Variants in FLT3LG observed in about 807,000 individuals in gnomAD.
The protein encoded by FLT3LG is fms related receptor tyrosine kinase 3 ligand, also known as fms-related tyrosine kinase 3 ligand.
FLT3LG carries 8 observed loss-of-function variants against 30.9 expected under a neutral mutation model. That is an observed-to-expected ratio of 0.26 (90% CI 0.15 to 0.47). The LOEUF is 0.47. Ranked by LOEUF, FLT3LG falls within the 20% of genes least tolerant of loss-of-function variation. The pLI is 0.99. For missense variants in FLT3LG, 278 were observed against 306.2 expected, an observed-to-expected ratio of 0.91 and a Z score of 0.69; for synonymous variants, 123 against 135.9, an observed-to-expected ratio of 0.91 and a Z score of 0.66.
At position 49,475,749 on chromosome 19, in the gene FLT3LG, C is replaced by T. The variant is rs781738148; in HGVS notation, c.92C>T (p.Ser31Phe). Residue 31 changes from serine (S) to phenylalanine (F), a missense_variant, in exon 3 of 9, where the codon TCC becomes TTC. Coordinates refer to ENST00000597551, the MANE Select transcript of FLT3LG (RefSeq NM_001459.4). ...GGACTCAGTGGGACCCAGGACTGCT[C>T]CTTCCAACACAGCCCCATCTCCTCC... Reference protein sequence around the residue: ...SSGLSGTQDCSFQHSPISSDF... With the variant: ...SSGLSGTQDCFFQHSPISSDF... 2.5e-6 allele frequency: 4 copies of T among 1,612,444 alleles called. No homozygotes were observed. In the East Asian group the frequency reaches 8.9e-5, roughly 36 times the overall value.
chr19:49,480,334 C>A lies in FLT3LG; in HGVS notation c.518C>A (p.Pro173His), dbSNP rs774118183. Residue 173 changes from proline to histidine, a missense_variant, in exon 7 of 9, where the codon CCC (proline) becomes CAC (histidine). Physicochemically the swap from Pro to His is moderately conservative, Grantham distance 77. Transcript: ENST00000597551. ...STLPPPWSPR[P>H]LEATAPTAPQ... is the part of the protein sequence containing the mutation. ...CTGCCACCCCCATGGAGTCCCCGGC[C>A]CCTGGAGGCCACAGCCCCGACAGCC... The A allele has an allele frequency of 6.2e-7, 1 of 1,609,400 alleles. No homozygotes were observed. Among genetic ancestry groups the A allele is most frequent in the Admixed American group, 1.7e-5 (1 of 59,912 alleles).
chr19:49,481,271 CA>C (rs1388387351), intron 8 of FLT3LG: 3 of 153,074 alleles, frequency 2.0e-5, no homozygotes, highest in East Asian at 1.9e-4. Flanking sequence ...ATGGGGTGGA[CA>C]GGGGGGAACC....
intron 8 of FLT3LG, among the ~76,000 whole-genome samples, chr19:49,484,614 A>G (rs2079737877): frequency 6.6e-6 from 1 of 151,954 alleles, no homozygotes; most frequent in Non-Finnish European, 1.5e-5. Flanking sequence ...CTACTGCCTC[A>G]GCCTCCTGAG....
chr19:49,475,631 C>T (rs867713108), intron 2 of FLT3LG, 60 bp from the exon 3 acceptor site: 4 of 1,562,956 alleles, frequency 2.6e-6, no homozygotes, highest in African/African-American at 2.7e-5. Flanking sequence ...GTGGGAAGCC[C>T]GGAGGAGGGG....
intron 6 of FLT3LG, 147 bp downstream of exon 6, chr19:49,479,194 A>ATTTTT (rs5828400): frequency 7.8e-5 from 37 of 475,528 alleles, no homozygotes; most frequent in South Asian, 2.2e-4. Flanking sequence ...CAGTTTACCA[A>ATTTTT]TTTTTTTTTT....
chr19:49,477,611 G>C (rs2079439220), intron 5 of FLT3LG, among the ~76,000 whole-genome samples: 1 of 151,996 alleles, frequency 6.6e-6, no homozygotes, highest in Admixed American at 6.6e-5. Context: ...GCATGGTGGT[G>C]GGCACCTGTA....
intron 8 of FLT3LG, chr19:49,481,654 G>T (rs1451674298): frequency 6.6e-6 from 1 of 152,238 alleles, no homozygotes; most frequent in African/African-American, 2.4e-5. Flanking sequence ...CGCACATATA[G>T]TGCCTTGGTA....
At chr19:49,485,212 G>A (rs1207245826) in intron 8 of FLT3LG, among the ~76,000 whole-genome samples, 1 of 151,018 alleles carries the variant, frequency 6.6e-6, no homozygotes, top group East Asian at 1.9e-4. Flanking sequence ...CCGTATTAAA[G>A]AGCAAAAATA....
At chr19:49,475,186 AGACG>A (rs1487958354) in intron 2 of FLT3LG, among the ~76,000 whole-genome samples, 18 of 96,518 alleles carry the variant, frequency 1.9e-4, no homozygotes, top group African/African-American at 7.2e-4. Context: ...AGGAGGAGGG[AGACG>A]GACAGAGGAG....
Position 49,480,580 on chromosome 19 carries a change from T to C in FLT3LG, c.689T>C (p.Leu230Pro). The C allele has an allele frequency of 1.9e-6, 3 of 1,613,384 alleles. No homozygotes were observed. The highest frequency in any genetic ancestry group is 1.7e-6 in the Non-Finnish European group (2 of 1,179,736). The change falls in exon 8 of 9, where the codon CTG (leucine) becomes CCG (proline). Residue 230 changes from leucine (L) to proline (P), a missense_variant. Physicochemically the swap from Leu to Pro is moderately conservative, Grantham distance 98. Coordinates refer to ENST00000597551, the MANE Select transcript of FLT3LG (RefSeq NM_001459.4). Reference protein sequence around the residue: ...QVPPVPSPQDLLLVEH With the variant: ...QVPPVPSPQDPLLVEH ...CCCCCCGTCCCCAGTCCCCAGGACC[T>C]GCTGCTTGTGGAGCACTGACCTGGC...
At position 49,475,746 on chromosome 19, in the gene FLT3LG, G is replaced by C; in HGVS notation, c.89G>C (p.Cys30Ser). 6.2e-7 allele frequency: 1 copy of C among 1,612,046 alleles called. No individual in the cohort carries two copies. The highest frequency in any genetic ancestry group is 8.5e-7 in the Non-Finnish European group (1 of 1,179,864). ...TCGGGACTCAGTGGGACCCAGGACT[G>C]CTCCTTCCAACACAGCCCCATCTCC... ...LSSGLSGTQD[C>S]SFQHSPISSD... Residue 30 changes from cysteine to serine, a missense_variant, in exon 3 of 9, where the codon TGC (cysteine) becomes TCC (serine). Cys to Ser is a moderately radical substitution (Grantham distance 112). Around this residue, in one of 3 missense-constraint regions of FLT3LG, gnomAD observed 40 missense variants for 34.3 expected, o/e 1.17. Coordinates refer to ENST00000597551, the MANE Select transcript of FLT3LG (RefSeq NM_001459.4).
chr19:49,475,948 A>G, intron 3 of FLT3LG, 147 bp downstream of exon 3: 1 of 1,031,664 alleles, frequency 9.7e-7, no homozygotes, highest in Non-Finnish European at 1.5e-6. Context: ...GGCCTCCCAA[A>G]GTGCTGGAAT....
At chr19:49,480,732 G>A (rs1456939770) in intron 8 of FLT3LG, 112 bp downstream of exon 8, 2 of 1,165,970 alleles carry the variant, frequency 1.7e-6, no homozygotes, top group African/African-American at 1.5e-5. Flanking sequence ...AGCTCTAGGT[G>A]CAGAAAGACC....
intron 5 of FLT3LG, 88 bp from the exon 6 acceptor site, chr19:49,478,821 G>A (rs1341336649): frequency 2.4e-6 from 3 of 1,262,844 alleles, no homozygotes; most frequent in East Asian, 6.1e-5. Context: ...CCCTGTTGCT[G>A]GGCATCGCCA....
Position 49,480,423 on chromosome 19 carries a change from T to C in FLT3LG, c.607T>C (p.Trp203Arg). 6.2e-7 allele frequency: 1 copy of C among 1,604,518 alleles called. No individual in the cohort carries two copies. Among genetic ancestry groups the C allele is most frequent in the Non-Finnish European group, 8.5e-7 (1 of 1,175,936 alleles). ...PVGLLLLAAA[W>R]CLHWQRTRRR... ...GGGCCTCCTGCTGCTGGCCGCTGCC[T>C]GGTGCCTGCACTGGCAGAGGACGCG... The change falls in exon 7 of 9, where the codon TGG becomes CGG. Residue 203 changes from tryptophan (W) to arginine (R), a missense_variant. Physicochemically the swap from Trp to Arg is moderately radical, Grantham distance 101. Transcript: ENST00000597551.
At chr19:49,480,747 T>C (rs916915068) in intron 8 of FLT3LG, 127 bp downstream of exon 8, 1 of 1,005,886 alleles carries the variant, frequency 9.9e-7, no homozygotes, top group Non-Finnish European at 1.4e-6. Flanking sequence ...AAGACCCCTC[T>C]GGGGCCAGGC....
Position 49,476,541 on chromosome 19 carries a change from A to G in FLT3LG, c.317A>G (p.His106Arg), listed in dbSNP as rs1237588587. 6.2e-7 allele frequency: 1 copy of G among 1,614,146 alleles called. No individual in the cohort carries two copies. The highest frequency in any genetic ancestry group is 2.2e-5 in the East Asian group (1 of 44,884). Reference protein sequence around the residue: ...GLLERVNTEIHFVTKCAFQPP... With the variant: ...GLLERVNTEIRFVTKCAFQPP... Reference sequence around the variant, plus strand: ...CTGGAGCGCGTGAACACGGAGATACACTTTGTCACCAAATGTGCCTTTCAG... The same window carrying G: ...CTGGAGCGCGTGAACACGGAGATACGCTTTGTCACCAAATGTGCCTTTCAG... Residue 106 changes from histidine (H) to arginine (R), a missense_variant, in exon 5 of 9, where the codon CAC (histidine) becomes CGC (arginine). His to Arg is a conservative substitution (Grantham distance 29, BLOSUM62 0). Transcript: ENST00000597551. The surrounding 1 kb of genome is among the most constrained non-coding windows in gnomAD (Gnocchi z 5.3).
At position 49,476,160 on chromosome 19, in the gene FLT3LG, C is replaced by T; in HGVS notation, c.160C>T (p.Gln54Ter). 6.2e-7 allele frequency: 1 copy of T among 1,613,866 alleles called. No homozygotes were observed. Among genetic ancestry groups the T allele is most frequent in the Non-Finnish European group, 8.5e-7 (1 of 1,180,012 alleles). Residue 54 changes from glutamine (Q) to a stop codon, truncating the protein, a stop_gained, in exon 4 of 9, where the codon CAA becomes TAA. Transcript: ENST00000597551. LOFTEE classifies it high-confidence loss of function. This position sits in a 1 kb window ranked among gnomAD's most constrained non-coding sequence, Gnocchi z 5.3. ...TCTCCCGCAGTCTGACTACCTGCTTCAAGATTACCCAGTCACCGTGGCCTC... is the reference window on the plus strand; with the variant it reads ...TCTCCCGCAGTCTGACTACCTGCTTTAAGATTACCCAGTCACCGTGGCCTC... ...KIRELSDYLL[Q>*]DYPVTVASNL... is the part of the protein sequence containing the mutation.
chr19:49,476,279 G>C lies in FLT3LG; in HGVS notation c.198+81G>C, dbSNP rs2079389643. 1 of 1,447,152 alleles carries C rather than the reference G, an allele frequency of 6.9e-7. No individual in the cohort carries two copies. Among genetic ancestry groups the C allele is most frequent in the African/African-American group, 1.4e-5 (1 of 71,696 alleles). The allele number at this position is 1,447,152 out of a possible 1,614,324, so 89.6% of individuals were successfully genotyped here. On this transcript the variant is annotated intron_variant, in intron 4 of 8. Coordinates refer to ENST00000597551, the MANE Select transcript of FLT3LG (RefSeq NM_001459.4). The surrounding 1 kb of genome is among the most constrained non-coding windows in gnomAD (Gnocchi z 5.3). ...CTCCACCGAGGCGAGTGGATAACCA[G>C]GCCCTCCCCTCCCCAAACCCAGGAA...
Sources: allele counts gnomAD v4.1 joint callset (sites outside exome capture counted in the v4.1 genomes callset), GRCh38; gene constraint gnomAD v4.1.1; regional missense constraint gnomAD v4.1.1; non-coding constraint Gnocchi (gnomAD v3.1); transcripts MANE v1.5; gene names NCBI Gene and HGNC (gene_info 2026-07-23, HGNC 2026-07-21).